Variants in CALN1 observed in about 807,000 individuals in gnomAD.
CALN1 encodes calneuron 1.
In CALN1, 17 loss-of-function variants were observed where a neutral mutation model predicts 30.6. The ratio of observed to expected loss-of-function variants is 0.56; its 90% CI spans 0.38 to 0.83. CALN1 has a LOEUF of 0.83. CALN1 is among the 40% of genes least tolerant of loss of function. The pLI is 0.00. For synonymous variants in CALN1, 156 were observed against 131.4 expected, an observed-to-expected ratio of 1.19 and a Z score of -1.28; for missense variants, 291 against 354.9, an observed-to-expected ratio of 0.82 and a Z score of 1.45.
chr7:72,071,819 G>T (rs1318158492), intron 4 of CALN1, among the ~76,000 whole-genome samples: 1 of 152,122 alleles, frequency 6.6e-6, no homozygotes, highest in Admixed American at 6.5e-5. Flanking sequence ...GGAATTAATA[G>T]ACAAATACTT....
At chr7:72,219,683 AC>A (rs1406169991) in intron 3 of CALN1, among the ~76,000 whole-genome samples, 1 of 58,348 alleles carries the variant, frequency 1.7e-5, no homozygotes, top group Non-Finnish European at 4.9e-5. Flanking sequence ...ACATGCATAC[AC>A]ATGCACACAT....
chr7:71,904,940 TATTTG>T (rs1794050097), intron 5 of CALN1, among the ~76,000 whole-genome samples: 1 of 152,108 alleles, frequency 6.6e-6, no homozygotes, highest in African/African-American at 2.4e-5. Context: ...TTAATTTCTT[TATTTG>T]ATTTATTTAT....
chr7:71,909,694 T>A (rs1035248425), intron 5 of CALN1, among the ~76,000 whole-genome samples: 11 of 152,154 alleles, frequency 7.2e-5, no homozygotes, highest in African/African-American at 2.7e-4. Context: ...TCTCCCCAAG[T>A]TACACAGGGG....
intron 2 of CALN1, among the ~76,000 whole-genome samples, chr7:72,399,764 C>T (rs776563645): frequency 2.0e-5 from 3 of 152,144 alleles, no homozygotes; most frequent in Admixed American, 6.5e-5. Context: ...GGTATTTGTC[C>T]CCTCCAAATC....
intron 5 of CALN1, among the ~76,000 whole-genome samples, chr7:71,951,083 T>C (rs1050347569): frequency 4.6e-5 from 7 of 152,182 alleles, no homozygotes; most frequent in African/African-American, 1.7e-4. Flanking sequence ...TCTCTCTCAT[T>C]CACGGCCAGT....
intron 3 of CALN1, among the ~76,000 whole-genome samples, chr7:72,248,061 G>A (rs992591451): frequency 1.3e-5 from 2 of 152,186 alleles, no homozygotes; most frequent in African/African-American, 4.8e-5. Flanking sequence ...AAGTCCTGAA[G>A]TCAAGATATT....
At chr7:72,433,239 C>T (rs1013160867) in intron 1 of CALN1, among the ~76,000 whole-genome samples, 37 of 152,136 alleles carry the variant, frequency 2.4e-4, no homozygotes, top group East Asian at 5.8e-4. Flanking sequence ...AAAGTGTCCC[C>T]GGGACAGAAA....
At chr7:72,299,574 G>A (rs1799107545) in intron 2 of CALN1, among the ~76,000 whole-genome samples, 2 of 151,668 alleles carry the variant, frequency 1.3e-5, no homozygotes, top group Admixed American at 1.3e-4. Context: ...TGCAAAGACT[G>A]TATGATCAGA....
chr7:72,440,570 T>C (rs1054484748), intron 1 of CALN1, among the ~76,000 whole-genome samples: 2 of 152,212 alleles, frequency 1.3e-5, no homozygotes, highest in African/African-American at 4.8e-5. Context: ...CTCAAGCCTG[T>C]AATCCCAGCA....
At chr7:72,325,188 C>T (rs1801185199) in intron 2 of CALN1, among the ~76,000 whole-genome samples, 1 of 151,934 alleles carries the variant, frequency 6.6e-6, no homozygotes, top group Admixed American at 6.6e-5. Flanking sequence ...GTCCCAGCTA[C>T]TCAGGAAGCT....
At chr7:72,298,464 G>A (rs1488575182) in intron 2 of CALN1, among the ~76,000 whole-genome samples, 6 of 152,174 alleles carry the variant, frequency 3.9e-5, no homozygotes, top group Admixed American at 2.6e-4. Context: ...CTAACTCATA[G>A]AGTAACTAAT....
chr7:71,847,734 AAG>A (rs1325330786), intron 5 of CALN1, among the ~76,000 whole-genome samples: 1 of 122,864 alleles, frequency 8.1e-6, no homozygotes, highest in Non-Finnish European at 1.8e-5. Flanking sequence ...AGAAAGAAGA[AAG>A]AAGAAAGAAG....
chr7:72,179,400 G>A (rs894163933), intron 3 of CALN1, among the ~76,000 whole-genome samples: 11 of 152,178 alleles, frequency 7.2e-5, no homozygotes, highest in South Asian at 2.1e-4. Flanking sequence ...TGCCCCCAAA[G>A]ACCAAACAGG....
chr7:72,430,336 T>A (rs1807935396), intron 1 of CALN1, among the ~76,000 whole-genome samples: 1 of 144,352 alleles, frequency 6.9e-6, no homozygotes, highest in Non-Finnish European at 1.5e-5. Flanking sequence ...ATATAATAAT[T>A]ATATATATAT....
chr7:72,410,049 A>G (rs1035388538), intron 1 of CALN1, among the ~76,000 whole-genome samples: 6 of 148,590 alleles, frequency 4.0e-5, no homozygotes, highest in African/African-American at 4.9e-5. Flanking sequence ...TTTCTTGAAG[A>G]TATCTTTTGG....
intron 5 of CALN1, among the ~76,000 whole-genome samples, chr7:72,004,359 T>G (rs890350759): frequency 6.6e-6 from 1 of 152,168 alleles, no homozygotes; most frequent in African/African-American, 2.4e-5. Context: ...GACCTAAAGG[T>G]GTGAACCTTA....
intron 3 of CALN1, among the ~76,000 whole-genome samples, chr7:72,246,011 T>C (rs1412971409): frequency 2.0e-5 from 3 of 152,330 alleles, no homozygotes; most frequent in East Asian, 3.9e-4. Context: ...ACCTAAGATG[T>C]ACCCAGCCTC....
intron 5 of CALN1, among the ~76,000 whole-genome samples, chr7:71,941,330 GAC>G (rs772042970): frequency 1.8e-4 from 27 of 146,508 alleles, no homozygotes; most frequent in Non-Finnish European, 1.3e-4. Flanking sequence ...CAGCCTGGGC[GAC>G]AGAGTGAGAC....
rs113671053 is a variant in CALN1, at chr7:72,028,110, G to A, written c.389-4341C>T. ...ACACATGAGACCTGATCTAAGATAT[G>A]CCCACCAGGCTGCTCCTGACCGTGA... On this transcript the variant is annotated intron_variant, in intron 4 of 6. Transcript: ENST00000395275. 3.9e-3 allele frequency among the ~76,000 whole-genome samples: 566 copies of A among 145,186 alleles called. 2 individuals carry two copies. The highest frequency in any genetic ancestry group is 6.7e-3 in the Non-Finnish European group (444 of 66,468).
Sources: allele counts gnomAD v4.1 joint callset (sites outside exome capture counted in the v4.1 genomes callset), GRCh38; gene constraint gnomAD v4.1.1; transcripts MANE v1.5; gene names NCBI Gene and HGNC (gene_info 2026-07-23, HGNC 2026-07-21).